SNRPN: variants seen among roughly 807,000 people sequenced by gnomAD.
SNRPN encodes the protein small nuclear ribonucleoprotein-associated protein N.
Under a neutral mutation model 25.2 loss-of-function variants are expected in SNRPN, and 7 were observed. That is an observed-to-expected ratio of 0.28 (90% confidence interval 0.16 to 0.52). The LOEUF (loss-of-function observed/expected upper bound fraction) is 0.52. Ranked by LOEUF, SNRPN falls within the 20% of genes least tolerant of loss-of-function variation. The pLI is 0.96. For missense variants in SNRPN, 196 were observed against 322.5 expected (o/e 0.61, Z 3.00); for synonymous variants, 124 against 110.6 (o/e 1.12, Z -0.76).
At chr15:24,862,305 A>C (rs1469711480) in intron 1 of SNRPN, among the ~76,000 whole-genome samples, 4 of 151,098 alleles carry the variant, frequency 2.6e-5, no homozygotes, top group Non-Finnish European at 4.4e-5. Flanking sequence ...GAAGAGGGAC[A>C]GATGAGGTAG....
chr15:24,875,546 C>T (rs111821903), intron 1 of SNRPN, among the ~76,000 whole-genome samples: 87 of 152,142 alleles, frequency 5.7e-4, no homozygotes, highest in African/African-American at 2.0e-3. Flanking sequence ...CCTCCCCCAC[C>T]GCAACAGAAG....
intron 2 of SNRPN, among the ~76,000 whole-genome samples, chr15:24,836,562 C>A (rs2051213556): frequency 6.6e-6 from 1 of 151,898 alleles, no homozygotes; most frequent in Non-Finnish European, 1.5e-5. Flanking sequence ...TAGGCGCCCA[C>A]CACCACACCC....
chr15:24,824,919 G>A (rs935002243), intron 1 of SNRPN, among the ~76,000 whole-genome samples: 4 of 152,102 alleles, frequency 2.6e-5, no homozygotes, highest in African/African-American at 9.7e-5. Flanking sequence ...ATTGAATTGA[G>A]AGAAACACAT....
intron 3 of SNRPN, among the ~76,000 whole-genome samples, chr15:24,923,659 A>G (rs2060170598): frequency 6.6e-6 from 1 of 152,162 alleles, no homozygotes; most frequent in African/African-American, 2.4e-5. Flanking sequence ...ACATGTAAAA[A>G]CCTTGATGAA....
chr15:24,963,524 A>G (rs1200693221), intron 2 of SNRPN, among the ~76,000 whole-genome samples: 1 of 151,310 alleles, frequency 6.6e-6, no homozygotes, highest in Non-Finnish European at 1.5e-5. Context: ...CTGAGGCAGG[A>G]GAATTGTTTG....
At chr15:24,946,915 A>G (rs1195897612) in intron 3 of SNRPN, among the ~76,000 whole-genome samples, 1 of 152,214 alleles carries the variant, frequency 6.6e-6, no homozygotes, top group African/African-American at 2.4e-5. Context: ...TGTACAATAA[A>G]TAAAAATAAA....
chr15:24,921,537 G>A (rs1483758438), intron 3 of SNRPN, among the ~76,000 whole-genome samples: 1 of 152,124 alleles, frequency 6.6e-6, no homozygotes, highest in African/African-American at 2.4e-5. Flanking sequence ...TGTAGGGTCA[G>A]GTTCTCCAAG....
chr15:24,879,479 G>A (rs1595651330), intron 1 of SNRPN, among the ~76,000 whole-genome samples: 1 of 151,884 alleles, frequency 6.6e-6, no homozygotes, highest in Non-Finnish European at 1.5e-5. Context: ...TTTAATTGAA[G>A]CTCAGAAAAT....
intron 2 of SNRPN, among the ~76,000 whole-genome samples, chr15:24,833,107 A>C (rs1218364200): frequency 1.7e-5 from 1 of 58,660 alleles, no homozygotes; most frequent in South Asian, 4.3e-4. Context: ...TCTGTCTCAA[A>C]AAAAAAAAAA....
At chr15:24,923,339 G>T (rs921600134) in intron 3 of SNRPN, among the ~76,000 whole-genome samples, 9 of 152,128 alleles carry the variant, frequency 5.9e-5, no homozygotes, top group African/African-American at 1.9e-4. Context: ...ATCTGTAACT[G>T]GTAGTGGAAT....
chr15:24,903,005 TAC>T lies in SNRPN; in HGVS notation c.-505+16418_-505+16419del, dbSNP rs562335554. Among the ~76,000 whole-genome samples the T allele has an allele frequency of 2.4e-3, 361 of 152,316 alleles. 2 individuals are homozygous for T. Among genetic ancestry groups the T allele is most frequent in the African/African-American group, 8.5e-3 (352 of 41,562 alleles). On this transcript the variant is annotated intron_variant, in intron 2 of 11. Coordinates refer to the SNRPN transcript ENST00000400097. Reference sequence around the variant, plus strand: ...TACAGAGTGCTGACTGGTCCATTTTTACAGAGTGCTGATTGGTGCGTTTACAA... The same window carrying T: ...TACAGAGTGCTGACTGGTCCATTTTTAGAGTGCTGATTGGTGCGTTTACAA...
At chr15:24,837,370 ATT>A (rs34338870) in intron 2 of SNRPN, among the ~76,000 whole-genome samples, 23,625 of 146,060 alleles carry the variant, frequency 0.16, 2,321 homozygotes, top group African/African-American at 0.29. Flanking sequence ...GGGGCTACAG[ATT>A]TTTTTTTTTT....
At chr15:24,967,279 T>G (rs899904336) in intron 2 of SNRPN, 1 of 153,032 alleles carries the variant, frequency 6.5e-6, no homozygotes, top group Admixed American at 6.5e-5. Context: ...TTGTACAATC[T>G]CTGTGTAGAG....
chr15:24,956,324 C>T (rs1004602685), intron 1 of SNRPN, among the ~76,000 whole-genome samples: 1 of 141,630 alleles, frequency 7.1e-6, no homozygotes, highest in African/African-American at 2.6e-5. Context: ...GCCGCCGCTG[C>T]AGCGGCTTAG....
upstream of SNRPN, among the ~76,000 whole-genome samples, chr15:24,950,280 G>T (rs1407977030): frequency 6.6e-6 from 1 of 151,810 alleles, no homozygotes; most frequent in Non-Finnish European, 1.5e-5. Context: ...GGGTTCAAGC[G>T]ATTCTCCCAC....
At chr15:24,875,496 T>A (rs1053577299) in intron 1 of SNRPN, among the ~76,000 whole-genome samples, 1 of 152,222 alleles carries the variant, frequency 6.6e-6, no homozygotes, top group African/African-American at 2.4e-5. Flanking sequence ...CTGGTGATCA[T>A]TTTGTATGTA....
intron 2 of SNRPN, among the ~76,000 whole-genome samples, chr15:24,964,202 G>GT (rs2075284880): frequency 6.6e-6 from 1 of 151,672 alleles, no homozygotes. Context: ...TTTTATGTAC[G>GT]TTTTGTTTGT....
At chr15:24,933,521 T>TA (rs2061023650) in intron 3 of SNRPN, among the ~76,000 whole-genome samples, 1 of 152,078 alleles carries the variant, frequency 6.6e-6, no homozygotes, top group African/African-American at 2.4e-5. Context: ...CTCATGCCTG[T>TA]AATCCCAGCA....
intron 1 of SNRPN, among the ~76,000 whole-genome samples, chr15:24,866,744 T>C (rs12915125): frequency 0.34 from 51,026 of 152,078 alleles, 10,017 homozygotes; most frequent in African/African-American, 0.53. Context: ...CCCACTTGTA[T>C]GAAATCACAT....
Sources: allele counts gnomAD v4.1 joint callset (sites outside exome capture counted in the v4.1 genomes callset), GRCh38; gene constraint gnomAD v4.1.1; transcripts MANE v1.5; gene names NCBI Gene and HGNC (gene_info 2026-07-23, HGNC 2026-07-21).